Variants in PLEKHA6 observed in about 807,000 individuals in gnomAD.
PLEKHA6 encodes the protein pleckstrin homology domain containing A6.
A neutral mutation model predicts 116.7 loss-of-function variants in PLEKHA6; 60 were observed. The observed-to-expected ratio is 0.51, with a 90% confidence interval of 0.42 to 0.64. The LOEUF (loss-of-function observed/expected upper bound fraction) is 0.64, where lower values mean the gene tolerates loss of function less well. Ranked by LOEUF, PLEKHA6 falls within the 30% of genes least tolerant of loss-of-function variation. The pLI is 0.00. For missense variants in PLEKHA6, 1,338 were observed against 1,422.7 expected (o/e 0.94, Z 0.96); for synonymous variants, 489 against 556.1 (o/e 0.88, Z 1.70).
intron 15 of PLEKHA6, chr1:204,243,034 G>C: frequency 2.5e-6 from 1 of 399,298 alleles, no homozygotes; most frequent in Non-Finnish European, 4.4e-6. Context: ...AATGACTCCA[G>C]GGCCCTGCCT....
At chr1:204,363,180 C>T (rs191956040), upstream of PLEKHA6, among the ~76,000 whole-genome samples, 1 of 152,212 alleles carries the variant, frequency 6.6e-6, no homozygotes, top group Non-Finnish European at 1.5e-5. Flanking sequence ...TCTCGCAGTT[C>T]GGGTTGGGGT....
intron 1 of PLEKHA6, among the ~76,000 whole-genome samples, chr1:204,285,365 G>A (rs7548933): frequency 0.37 from 55,814 of 152,062 alleles, 10,424 homozygotes; most frequent in East Asian, 0.52. Context: ...TTAAAAATCA[G>A]AAATGATATA....
intron 9 of PLEKHA6, among the ~76,000 whole-genome samples, chr1:204,253,095 A>G (rs1664783854): frequency 6.6e-6 from 1 of 152,210 alleles, no homozygotes; most frequent in Non-Finnish European, 1.5e-5. Context: ...TGCCTCACAC[A>G]TGGTAAGGAG....
At chr1:204,312,725 C>A (rs1237489375) in intron 1 of PLEKHA6, among the ~76,000 whole-genome samples, 1 of 152,202 alleles carries the variant, frequency 6.6e-6, no homozygotes, top group Non-Finnish European at 1.5e-5. Flanking sequence ...GGGACAGGCA[C>A]AGAAGAATCA....
In PLEKHA6 at chr1:204,261,583, C is replaced by T; in HGVS notation, c.382-135G>A. The T allele has an allele frequency of 1.0e-6, 1 of 991,344 alleles. No homozygotes were observed. The highest frequency in any genetic ancestry group is 1.7e-5 in the South Asian group (1 of 59,124). The allele number at this position is 991,344 out of a possible 1,614,324, so 61.4% of individuals were successfully genotyped here. A position where few individuals can be genotyped will look rare whatever the true frequency, so the allele number is the denominator to read the frequency against. On this transcript the variant is annotated intron_variant, in intron 6 of 22. Transcript: ENST00000272203. This position sits in a 1 kb window ranked among gnomAD's most constrained non-coding sequence, Gnocchi z 4.0. ...ATTCCCTGCACCTGGGGCTCTTCCCCATGCGGAGCTCAGGAGCAAGGTGAA... is the reference window on the plus strand; with the variant it reads ...ATTCCCTGCACCTGGGGCTCTTCCCTATGCGGAGCTCAGGAGCAAGGTGAA...
At chr1:204,309,762 G>A (rs1383218688) in intron 1 of PLEKHA6, 18 of 850,132 alleles carry the variant, frequency 2.1e-5, no homozygotes, top group Non-Finnish European at 2.5e-5. Flanking sequence ...AATAATTTAT[G>A]TTAACTACCA....
chr1:204,257,439 G>C lies in PLEKHA6; in HGVS notation c.1438C>G (p.Arg480Gly). 1 of 1,568,330 alleles carries C rather than the reference G, an allele frequency of 6.4e-7. No homozygotes were observed. The highest frequency in any genetic ancestry group is 8.7e-7 in the Non-Finnish European group (1 of 1,155,632). ...CTGCGAGGTGGCAGCCGCTCAAAAC[G>C]GGCACTGGGTGAGCGGACAGGGGAG... The part of the protein sequence containing the change: ...IYSPVRSPSA[R>G]FERLPPRSED... The change falls in exon 9 of 23, where the codon CGT (arginine) becomes GGT (glycine). Residue 480 changes from arginine to glycine, a missense_variant. Physicochemically the swap from Arg to Gly is moderately radical, Grantham distance 125. This residue lies in a region of PLEKHA6 where 1,136 missense variants were observed against 1,163.6 expected (regional missense o/e 0.98). Coordinates refer to ENST00000272203, the MANE Select transcript of PLEKHA6 (RefSeq NM_014935.5). The surrounding 1 kb of genome is among the most constrained non-coding windows in gnomAD (Gnocchi z 6.5).
intron 1 of PLEKHA6, among the ~76,000 whole-genome samples, chr1:204,340,836 C>T (rs115687029): frequency 1.4e-3 from 219 of 152,262 alleles, no homozygotes; most frequent in African/African-American, 5.0e-3. Flanking sequence ...TGCTGATCCC[C>T]GAAACAGACT....
intron 1 of PLEKHA6, among the ~76,000 whole-genome samples, chr1:204,294,761 G>T (rs908727059): frequency 1.3e-5 from 2 of 152,140 alleles, no homozygotes; most frequent in Non-Finnish European, 2.9e-5. Context: ...CTGTGAAAAC[G>T]GGATAATATA....
rs761738939 is a variant in PLEKHA6, at chr1:204,230,609, C to T, written c.2410-23G>A. 2.5e-5 allele frequency: 40 copies of T among 1,582,346 alleles called. No homozygotes were observed. The East Asian group carries it at 5.9e-4, about 23-fold the overall frequency. ...TTCCTGCTGCCATGGGAAAACAGGG[C>T]TCTGACAAGTGCCTTATCCCCCACC... On this transcript the variant is annotated intron_variant, in intron 17 of 22. Transcript: ENST00000272203.
intron 18 of PLEKHA6, among the ~76,000 whole-genome samples, 160 bp downstream of exon 18, chr1:204,230,253 G>A (rs993082516): frequency 5.3e-5 from 8 of 152,224 alleles, no homozygotes; most frequent in African/African-American, 1.9e-4. Context: ...CTCTTCTGCC[G>A]ATGGGGGAGA....
At position 204,268,217 on chromosome 1, in the gene PLEKHA6, G is replaced by C. The variant is rs1281138410; in HGVS notation, c.198C>G (p.Leu66=). The change falls in exon 4 of 23, where the codon CTC becomes CTG. Residue 66 remains leucine (L), a synonymous_variant. Coordinates refer to ENST00000272203, the MANE Select transcript of PLEKHA6 (RefSeq NM_014935.5). The part of the protein sequence containing the change: ...PNAPVTKAGW[L]FKQASSGVKQ... ...CGCAGGGTGGCCTCACCTGTTTGAA[G>C]AGCCAGCCCGCCTTGGTGACAGGTG... 4 of 1,610,392 alleles carry C rather than the reference G, an allele frequency of 2.5e-6. No individual in the cohort carries two copies. The African/African-American group carries it at 5.4e-5, about 22-fold the overall frequency.
chr1:204,279,174 TC>T (rs1436954737), intron 1 of PLEKHA6, among the ~76,000 whole-genome samples: 1 of 152,116 alleles, frequency 6.6e-6, no homozygotes, highest in Non-Finnish European at 1.5e-5. Context: ...GGCAAAAATA[TC>T]CCCTTTCACT....
chr1:204,318,765 C>A (rs895275586), intron 1 of PLEKHA6, among the ~76,000 whole-genome samples: 2 of 152,174 alleles, frequency 1.3e-5, no homozygotes, highest in Admixed American at 6.5e-5. Flanking sequence ...ACAGTACAAA[C>A]CTGACCAGAT....
At chr1:204,326,245 A>G (rs1446309255) in intron 1 of PLEKHA6, among the ~76,000 whole-genome samples, 1 of 152,176 alleles carries the variant, frequency 6.6e-6, no homozygotes, top group Non-Finnish European at 1.5e-5. Context: ...GGGCACAAGT[A>G]GACACTCAGC....
intron 1 of PLEKHA6, among the ~76,000 whole-genome samples, chr1:204,331,131 C>T (rs2103269003): frequency 6.9e-6 from 1 of 145,110 alleles, no homozygotes; most frequent in Non-Finnish European, 1.5e-5. Flanking sequence ...ACCAAGGAGG[C>T]GAAGGTTGCA....
intron 1 of PLEKHA6, among the ~76,000 whole-genome samples, chr1:204,351,836 T>C (rs1419442118): frequency 6.6e-6 from 1 of 152,166 alleles, no homozygotes; most frequent in Non-Finnish European, 1.5e-5. Context: ...CAGGCCTGGT[T>C]TCAAGGTGAC....
intron 17 of PLEKHA6, among the ~76,000 whole-genome samples, chr1:204,234,961 T>C (rs1196566536): frequency 6.1e-4 from 1 of 1,630 alleles, no homozygotes; most frequent in Non-Finnish European, 1.1e-3. Context: ...CCTTTATATA[T>C]ATATATATAT....
At chr1:204,310,030 AT>A (rs948698218) in intron 1 of PLEKHA6, among the ~76,000 whole-genome samples, 3 of 151,254 alleles carry the variant, frequency 2.0e-5, no homozygotes, top group South Asian at 2.1e-4. Flanking sequence ...TCTCCTTTTG[AT>A]TTTTTTTTCA....
Sources: gnomAD v4.1 joint callset for allele counts (sites outside exome capture counted in the v4.1 genomes callset) on GRCh38, gnomAD v4.1.1 for gene constraint, gnomAD v4.1.1 regional missense constraint, Gnocchi (gnomAD v3.1) non-coding constraint, MANE v1.5 for transcripts, NCBI Gene and HGNC (gene_info 2026-07-23, HGNC 2026-07-21) for gene names.